Variants in ADD3 observed in about 807,000 individuals in gnomAD.
ADD3 encodes gamma-adducin.
Under a neutral mutation model 80.2 loss-of-function variants are expected in ADD3, and 25 were observed. The observed-to-expected ratio is 0.31, with a 90% CI of 0.23 to 0.44. The LOEUF is 0.44. ADD3 is among the 20% of genes least tolerant of loss of function. The pLI is 1.00. For synonymous variants in ADD3, 284 were observed against 289.6 expected, an observed-to-expected ratio of 0.98 and a Z score of 0.20; for missense variants, 829 against 847.5, an observed-to-expected ratio of 0.98 and a Z score of 0.27.
intron 2 of ADD3, among the ~76,000 whole-genome samples, chr10:110,108,770 G>A (rs1222487734): frequency 6.6e-6 from 1 of 152,100 alleles, no homozygotes; most frequent in Non-Finnish European, 1.5e-5. Flanking sequence ...AGTAATAAAT[G>A]TTCATGACAA....
In ADD3 at chr10:110,132,417, C is replaced by T. The variant is rs565965615; in HGVS notation, c.1828+17C>T. On this transcript the variant is annotated intron_variant, in intron 14 of 14. Transcript: ENST00000356080. ...AATTAGAAGGTACTCAATGTAATTT[C>T]CCACATAGCATTCACTGAGTTAGTC... The T allele has an allele frequency of 4.6e-6, 7 of 1,535,728 alleles. No individual in the cohort carries two copies. Among genetic ancestry groups the T allele is most frequent in the Non-Finnish European group, 6.3e-6 (7 of 1,109,440 alleles).
chr10:110,126,658 T>G (rs1215415159), intron 12 of ADD3, among the ~76,000 whole-genome samples, 155 bp downstream of exon 12: 1 of 152,372 alleles, frequency 6.6e-6, no homozygotes, highest in East Asian at 1.9e-4. Context: ...ATTCCCAGTT[T>G]CCAGGTGCAG....
At chr10:110,050,588 A>T (rs139409006) in intron 1 of ADD3, among the ~76,000 whole-genome samples, 1 of 150,410 alleles carries the variant, frequency 6.6e-6, no homozygotes, top group Non-Finnish European at 1.5e-5. Flanking sequence ...TCTCAGCTCA[A>T]TGCAACCTCT....
chr10:110,067,816 A>G (rs557461253), intron 1 of ADD3, among the ~76,000 whole-genome samples: 2 of 152,286 alleles, frequency 1.3e-5, no homozygotes, highest in Non-Finnish European at 2.9e-5. Flanking sequence ...ATTTTCATGT[A>G]TAAGGTATAC....
At chr10:110,035,307 C>T (rs1161428547) in intron 1 of ADD3, among the ~76,000 whole-genome samples, 1 of 152,178 alleles carries the variant, frequency 6.6e-6, no homozygotes, top group Admixed American at 6.5e-5. Flanking sequence ...ATTCCCTTTC[C>T]ACCCTCTGCT....
At chr10:110,129,538 A>G (rs1852669066) in intron 12 of ADD3, among the ~76,000 whole-genome samples, 1 of 152,128 alleles carries the variant, frequency 6.6e-6, no homozygotes, top group Non-Finnish European at 1.5e-5. Flanking sequence ...GAACCTGGGA[A>G]TCTGTTTCCT....
chr10:110,029,979 T>C (rs1015790318), intron 1 of ADD3, among the ~76,000 whole-genome samples: 5 of 152,044 alleles, frequency 3.3e-5, no homozygotes, highest in African/African-American at 1.2e-4. Flanking sequence ...TTCTTTCAGG[T>C]TTGTGGAATT....
intron 1 of ADD3, among the ~76,000 whole-genome samples, chr10:110,009,502 AT>A (rs1366562956): frequency 6.6e-6 from 1 of 152,186 alleles, no homozygotes; most frequent in Non-Finnish European, 1.5e-5. Flanking sequence ...TATTTGTGTA[AT>A]TAAGTTATGG....
At chr10:109,998,312 C>A (rs906005634) in intron 1 of ADD3, among the ~76,000 whole-genome samples, 1 of 152,018 alleles carries the variant, frequency 6.6e-6, no homozygotes, top group African/African-American at 2.4e-5. Flanking sequence ...GGATTGAGTC[C>A]TCTCTTTCTC....
chr10:110,044,269 T>A (rs897530909), intron 1 of ADD3, among the ~76,000 whole-genome samples: 1 of 152,196 alleles, frequency 6.6e-6, no homozygotes, highest in Admixed American at 6.5e-5. Flanking sequence ...TAAATGAAAC[T>A]TTATAGATTG....
intron 1 of ADD3, among the ~76,000 whole-genome samples, chr10:110,037,183 T>A (rs1468066595): frequency 6.6e-6 from 1 of 152,242 alleles, no homozygotes; most frequent in African/African-American, 2.4e-5. Context: ...GCCTAAAGTT[T>A]TACAGCCAGT....
chr10:110,100,024 C>G (rs1848621501), intron 1 of ADD3, among the ~76,000 whole-genome samples: 1 of 151,958 alleles, frequency 6.6e-6, no homozygotes, highest in African/African-American at 2.4e-5. Flanking sequence ...TGCCTGTAAT[C>G]TTATCACTTT....
Position 110,124,208 on chromosome 10 carries a change from T to A in ADD3, c.1335T>A (p.Thr445=). 1.9e-6 allele frequency: 3 copies of A among 1,614,134 alleles called. No homozygotes were observed. Among genetic ancestry groups the A allele is most frequent in the Non-Finnish European group, 2.5e-6 (3 of 1,180,004 alleles). ...CAAGATGGCTGAACTCACCAAATAC[T>A]TACATGAAAGTGAATGTGCCTGAGG... ...EKTRWLNSPN[T]YMKVNVPEES... The change falls in exon 10 of 15, where the codon ACT becomes ACA. Residue 445 remains threonine (T), a synonymous_variant. Coordinates refer to ENST00000356080, the MANE Select transcript of ADD3 (RefSeq NM_016824.5).
intron 1 of ADD3, among the ~76,000 whole-genome samples, chr10:110,036,324 T>G (rs1349667951): frequency 6.6e-6 from 1 of 151,580 alleles, no homozygotes; most frequent in Non-Finnish European, 1.5e-5. Flanking sequence ...TCATACCTTC[T>G]CCAAGTTATA....
At chr10:110,002,901 C>T (rs574131511), upstream of ADD3, among the ~76,000 whole-genome samples, 7 of 152,244 alleles carry the variant, frequency 4.6e-5, no homozygotes, top group South Asian at 1.2e-3. Context: ...AATATGTTGA[C>T]GAATCCTTGA....
At chr10:110,070,990 GGGGT>G (rs1273665570) in intron 1 of ADD3, among the ~76,000 whole-genome samples, 1,313 of 85,108 alleles carry the variant, frequency 0.015, 58 homozygotes, top group African/African-American at 0.092. Flanking sequence ...TTGGGGGGGG[GGGGT>G]GGGGAGCCAG....
chr10:110,040,909 GCA>G (rs1169587000), intron 1 of ADD3, among the ~76,000 whole-genome samples: 1 of 146,990 alleles, frequency 6.8e-6, no homozygotes, highest in Non-Finnish European at 1.5e-5. Flanking sequence ...GAACTTGCAC[GCA>G]CGCGCTCTCT....
At chr10:110,127,117 A>G (rs553166365) in intron 12 of ADD3, among the ~76,000 whole-genome samples, 3 of 152,294 alleles carry the variant, frequency 2.0e-5, no homozygotes, top group Admixed American at 6.5e-5. Context: ...TCTCCCAGTA[A>G]GGATACATCA....
intron 2 of ADD3, among the ~76,000 whole-genome samples, chr10:110,105,135 C>T (rs1374880976): frequency 6.6e-6 from 1 of 151,970 alleles, no homozygotes. Flanking sequence ...GTTATTCTGG[C>T]CCTCAGGTAT....
Sources: gnomAD v4.1 joint callset for allele counts (sites outside exome capture counted in the v4.1 genomes callset) on GRCh38, gnomAD v4.1.1 for gene constraint, MANE v1.5 for transcripts, NCBI Gene and HGNC (gene_info 2026-07-23, HGNC 2026-07-21) for gene names.